Variants in RAP1A observed in about 807,000 individuals in gnomAD.
The protein encoded by RAP1A is RAP1A, member of RAS oncogene family, also known as ras-related protein Rap-1A.
Under a neutral mutation model 26.4 loss-of-function variants are expected in RAP1A, and 6 were observed. The ratio of observed to expected loss-of-function variants is 0.23; its 90% CI spans 0.12 to 0.45. The LOEUF (loss-of-function observed/expected upper bound fraction) is 0.45, where lower values mean the gene tolerates loss of function less well. Among genes scored for constraint, RAP1A ranks in the 20% least tolerant of loss-of-function variants. RAP1A has a pLI of 0.99. For missense variants in RAP1A, 121 were observed against 217.2 expected, an observed-to-expected ratio of 0.56 and a Z score of 2.78; for synonymous variants, 73 against 79.4, an observed-to-expected ratio of 0.92 and a Z score of 0.43.
intron 6 of RAP1A, chr1:111,706,541 C>A: frequency 4.6e-6 from 1 of 215,878 alleles, no homozygotes; most frequent in Non-Finnish European, 7.9e-6. Context: ...ATGCCAGAAT[C>A]ACAGTAGTCT....
At chr1:111,674,658 C>T (rs1345723194) in intron 1 of RAP1A, among the ~76,000 whole-genome samples, 1 of 152,062 alleles carries the variant, frequency 6.6e-6, no homozygotes, top group African/African-American at 2.4e-5. Flanking sequence ...TTTGTATTTC[C>T]TGTCTTAATT....
intron 1 of RAP1A, among the ~76,000 whole-genome samples, chr1:111,640,403 A>G (rs1280677622): frequency 6.6e-6 from 1 of 152,154 alleles, no homozygotes; most frequent in Admixed American, 6.5e-5. Flanking sequence ...AAATATTGTG[A>G]TAAATTAGTA....
chr1:111,610,412 G>A (rs542885135), intron 1 of RAP1A, among the ~76,000 whole-genome samples: 10 of 152,026 alleles, frequency 6.6e-5, no homozygotes, highest in Non-Finnish European at 7.4e-5. Flanking sequence ...TCTACTTTTC[G>A]GACTCAGCTA....
chr1:111,641,656 C>T (rs1659896112), intron 1 of RAP1A, among the ~76,000 whole-genome samples: 1 of 152,068 alleles, frequency 6.6e-6, no homozygotes, highest in Admixed American at 6.6e-5. Flanking sequence ...TGTGCGCGCG[C>T]ATGCACATAG....
intron 1 of RAP1A, among the ~76,000 whole-genome samples, chr1:111,639,510 A>C (rs1395864374): frequency 1.3e-5 from 2 of 151,840 alleles, no homozygotes; most frequent in African/African-American, 4.9e-5. Context: ...GCATTGTTAA[A>C]ATTTTTAAAT....
intron 1 of RAP1A, among the ~76,000 whole-genome samples, chr1:111,549,309 C>CTTT (rs767231547): frequency 2.4e-5 from 3 of 125,612 alleles, no homozygotes; most frequent in South Asian, 2.6e-4. Context: ...CAGTCATGGG[C>CTTT]TTTTTTTTTT....
At chr1:111,607,003 TTTTATTTATTTATTTA>T (rs370268151) in intron 1 of RAP1A, among the ~76,000 whole-genome samples, 15 of 145,680 alleles carry the variant, frequency 1.0e-4, no homozygotes, top group East Asian at 2.0e-4. Context: ...ATTCATTTTC[TTTTATTTATTTATTTA>T]TTTATTTATT....
At position 111,647,875 on chromosome 1, in the gene RAP1A, G is replaced by A. The variant is rs373337743; in HGVS notation, c.-28+27941G>A. Reference sequence around the variant, plus strand: ...ATACATGTTAAGATCATAGCTTTTAGAATGTTTAGTCATAGGTATTTAACT... The same window carrying A: ...ATACATGTTAAGATCATAGCTTTTAAAATGTTTAGTCATAGGTATTTAACT... On this transcript the variant is annotated intron_variant, in intron 1 of 7. Coordinates refer to ENST00000369709, the MANE Select transcript of RAP1A (RefSeq NM_002884.4). 9.9e-5 allele frequency among the ~76,000 whole-genome samples: 15 copies of A among 152,206 alleles called. No individual in the cohort carries two copies. The South Asian group carries it at 2.9e-3, about 30-fold the overall frequency.
At chr1:111,631,140 C>T (rs769135709) in intron 1 of RAP1A, among the ~76,000 whole-genome samples, 1 of 152,148 alleles carries the variant, frequency 6.6e-6, no homozygotes, top group Non-Finnish European at 1.5e-5. Context: ...CATTATCATA[C>T]ATTGTAGCGA....
chr1:111,560,468 A>G (rs1657687512), intron 1 of RAP1A, among the ~76,000 whole-genome samples: 1 of 112,610 alleles, frequency 8.9e-6, no homozygotes, highest in African/African-American at 5.2e-5. Context: ...GCAGGTACAC[A>G]ATATCCAATA....
At chr1:111,677,581 G>T (rs1192638662) in intron 1 of RAP1A, among the ~76,000 whole-genome samples, 1 of 152,140 alleles carries the variant, frequency 6.6e-6, no homozygotes, top group East Asian at 1.9e-4. Context: ...TTCAAAGGTG[G>T]TTCACTAACA....
chr1:111,694,294 G>A (rs1414638434), intron 2 of RAP1A, among the ~76,000 whole-genome samples: 1 of 152,180 alleles, frequency 6.6e-6, no homozygotes, highest in Non-Finnish European at 1.5e-5. Context: ...ATCTTGAGTT[G>A]CCTTTGAATA....
intron 1 of RAP1A, among the ~76,000 whole-genome samples, chr1:111,625,218 A>G (rs1179394442): frequency 6.6e-6 from 1 of 152,086 alleles, no homozygotes; most frequent in Non-Finnish European, 1.5e-5. Flanking sequence ...TTACTCCTTC[A>G]CGGTTTTTTG....
intron 1 of RAP1A, among the ~76,000 whole-genome samples, chr1:111,597,532 CT>C (rs1658584934): frequency 6.6e-6 from 1 of 152,208 alleles, no homozygotes; most frequent in South Asian, 2.1e-4. Context: ...TAGTGTGACA[CT>C]CCTCTGTTTA....
chr1:111,706,950 T>C (rs1016927676), intron 6 of RAP1A, among the ~76,000 whole-genome samples: 1 of 152,238 alleles, frequency 6.6e-6, no homozygotes, highest in Non-Finnish European at 1.5e-5. Flanking sequence ...TTTTATCTTA[T>C]AGCTTATGCA....
chr1:111,606,164 C>G (rs964948301), intron 1 of RAP1A, among the ~76,000 whole-genome samples: 1 of 152,162 alleles, frequency 6.6e-6, no homozygotes, highest in Non-Finnish European at 1.5e-5. Context: ...ATCTTTAACC[C>G]TGAATTCTGT....
intron 1 of RAP1A, among the ~76,000 whole-genome samples, chr1:111,580,140 A>G (rs551166065): frequency 1.3e-5 from 2 of 152,294 alleles, no homozygotes; most frequent in South Asian, 4.1e-4. Flanking sequence ...AAAACATAAT[A>G]GTTGTATGCG....
chr1:111,698,354 A>G (rs928408668), intron 4 of RAP1A, among the ~76,000 whole-genome samples: 4 of 152,124 alleles, frequency 2.6e-5, no homozygotes, highest in African/African-American at 9.7e-5. Context: ...AGTTCACCGC[A>G]GTCTCCTGGG....
At chr1:111,564,316 A>G (rs552326618) in intron 1 of RAP1A, among the ~76,000 whole-genome samples, 1 of 152,198 alleles carries the variant, frequency 6.6e-6, no homozygotes, top group Admixed American at 6.5e-5. Flanking sequence ...GTCAATAAAT[A>G]TTTATCAAGC....
Sources: gnomAD v4.1 joint callset for allele counts (sites outside exome capture counted in the v4.1 genomes callset) on GRCh38, gnomAD v4.1.1 for gene constraint, MANE v1.5 for transcripts, NCBI Gene and HGNC (gene_info 2026-07-23, HGNC 2026-07-21) for gene names.